PDGFD: variants seen among roughly 807,000 people sequenced by gnomAD.
PDGFD encodes the protein platelet derived growth factor D.
A neutral mutation model predicts 44.7 loss-of-function variants in PDGFD; 30 were observed. That is an observed-to-expected ratio of 0.67 (90% CI 0.50 to 0.91). The LOEUF is 0.91. PDGFD is among the 40% of genes least tolerant of loss of function. PDGFD has a pLI of 0.00. For synonymous variants in PDGFD, 173 were observed against 168.4 expected (o/e 1.03, Z -0.21); for missense variants, 445 against 457.8 (o/e 0.97, Z 0.25).
intron 1 of PDGFD, among the ~76,000 whole-genome samples, chr11:104,015,389 A>G (rs1183734658): frequency 6.6e-6 from 1 of 152,240 alleles, no homozygotes; most frequent in Non-Finnish European, 1.5e-5. Flanking sequence ...GGTGTGAACG[A>G]AGCTACATTT....
At chr11:104,065,780 T>C (rs931544619) in intron 1 of PDGFD, among the ~76,000 whole-genome samples, 4 of 152,156 alleles carry the variant, frequency 2.6e-5, no homozygotes, top group Non-Finnish European at 4.4e-5. Context: ...AACACAGTAT[T>C]TACTTCTCTG....
chr11:104,119,948 T>A (rs1861746918), intron 1 of PDGFD, among the ~76,000 whole-genome samples: 1 of 138,644 alleles, frequency 7.2e-6, no homozygotes, highest in East Asian at 2.1e-4. Context: ...ATATAATATA[T>A]AAGTTATTAT....
intron 1 of PDGFD, among the ~76,000 whole-genome samples, chr11:104,050,860 A>G (rs1237311511): frequency 6.6e-6 from 1 of 152,164 alleles, no homozygotes; most frequent in Admixed American, 6.5e-5. Context: ...TGTAATCTTA[A>G]TTGTCCATAT....
intron 1 of PDGFD, among the ~76,000 whole-genome samples, chr11:104,029,388 C>A (rs1860091811): frequency 6.6e-6 from 1 of 152,146 alleles, no homozygotes; most frequent in Admixed American, 6.5e-5. Context: ...CAATTAAATT[C>A]TATAGACAGA....
chr11:103,950,729 G>A (rs1471405204), intron 3 of PDGFD, among the ~76,000 whole-genome samples: 1 of 152,120 alleles, frequency 6.6e-6, no homozygotes, highest in East Asian at 1.9e-4. Context: ...TGTTACAGCT[G>A]CCTTGGATAA....
chr11:103,958,531 T>C (rs1306196706), intron 3 of PDGFD, among the ~76,000 whole-genome samples: 1 of 152,204 alleles, frequency 6.6e-6, no homozygotes, highest in Non-Finnish European at 1.5e-5. Context: ...TTAGGAAAAT[T>C]ACAAGTTTGA....
At chr11:104,095,115 T>C (rs1248457490) in intron 1 of PDGFD, among the ~76,000 whole-genome samples, 3 of 152,134 alleles carry the variant, frequency 2.0e-5, no homozygotes, top group African/African-American at 7.2e-5. Flanking sequence ...CAGATCTCAG[T>C]TTAAATACTA....
chr11:104,025,592 A>G (rs187764150), intron 1 of PDGFD, among the ~76,000 whole-genome samples: 6 of 152,306 alleles, frequency 3.9e-5, no homozygotes, highest in Admixed American at 1.3e-4. Flanking sequence ...TGAGACCAGA[A>G]TAAGACCCCA....
intron 1 of PDGFD, among the ~76,000 whole-genome samples, chr11:104,085,168 G>A (rs1861112046): frequency 6.6e-6 from 1 of 151,404 alleles, no homozygotes; most frequent in African/African-American, 2.4e-5. Context: ...CATCACCATT[G>A]TTACAGCACT....
In PDGFD at chr11:104,119,012, T is replaced by TATATTATATTAAC. The variant is rs1294752237; in HGVS notation, c.124+44791_124+44792insGTTAATATAATAT. Among the ~76,000 whole-genome samples the TATATTATATTAAC allele has an allele frequency of 3.8e-3, 67 of 17,530 alleles. 26 individuals are homozygous for TATATTATATTAAC. Among genetic ancestry groups the TATATTATATTAAC allele is most frequent in the East Asian group, 0.011 (4 of 376 alleles). 11.5% of individuals were successfully genotyped at this position (17,530 alleles called of 152,430 possible). On this transcript the variant is annotated intron_variant, in intron 1 of 6. Transcript: ENST00000393158. Reference sequence around the variant, plus strand: ...TTATTAATATAATAAAATAATATAATATATTATATAATATATCGATATAAT... The same window carrying TATATTATATTAAC: ...TTATTAATATAATAAAATAATATAATATATTATATTAACATATTATATAATATATCGATATAAT...
chr11:104,140,913 T>C (rs12292979), intron 1 of PDGFD, among the ~76,000 whole-genome samples: 4,287 of 152,308 alleles, frequency 0.028, 123 homozygotes, highest in African/African-American at 0.07. Context: ...ATGTAAGCTT[T>C]TGTGAGGTCT....
At chr11:104,040,718 AT>A (rs11305792) in intron 1 of PDGFD, among the ~76,000 whole-genome samples, 60,531 of 151,556 alleles carry the variant, frequency 0.4, 13,424 homozygotes, top group Admixed American at 0.55. Context: ...GTGATTTTAA[AT>A]TTTTTTTGAC....
intron 1 of PDGFD, among the ~76,000 whole-genome samples, chr11:104,003,070 G>C (rs1312156373): frequency 6.6e-6 from 1 of 152,186 alleles, no homozygotes; most frequent in Non-Finnish European, 1.5e-5. Context: ...ATTTAAAAAT[G>C]TTTAAAGAAT....
chr11:103,944,209 C>T (rs1002213409), intron 4 of PDGFD, among the ~76,000 whole-genome samples: 1 of 152,150 alleles, frequency 6.6e-6, no homozygotes, highest in East Asian at 1.9e-4. Context: ...GATAATTAGC[C>T]ATGAAATTGG....
intron 1 of PDGFD, among the ~76,000 whole-genome samples, chr11:104,073,084 G>A (rs988153303): frequency 6.6e-6 from 1 of 151,750 alleles, no homozygotes; most frequent in East Asian, 1.9e-4. Context: ...ATCATGTTTG[G>A]AGAAGCATAA....
chr11:103,945,328 C>T (rs1858653182), intron 4 of PDGFD, among the ~76,000 whole-genome samples: 1 of 152,062 alleles, frequency 6.6e-6, no homozygotes, highest in Non-Finnish European at 1.5e-5. Flanking sequence ...CGAGCTGAAC[C>T]CTGACTGACA....
Position 104,163,864 on chromosome 11 carries a change from A to G in PDGFD, c.64T>C (p.Ser22Pro). The G allele has an allele frequency of 6.3e-7, 1 of 1,580,632 alleles. No homozygotes were observed. Among genetic ancestry groups the G allele is most frequent in the Non-Finnish European group, 8.7e-7 (1 of 1,155,296 alleles). The change falls in exon 1 of 7, where the codon TCT becomes CCT. Residue 22 changes from serine to proline, a missense_variant. Physicochemically the swap from Ser to Pro is moderately conservative, Grantham distance 74. Coordinates refer to ENST00000393158, the MANE Select transcript of PDGFD (RefSeq NM_025208.5). Reference sequence around the variant, plus strand: ...ATGGATGCGCTCTGCGGGGTTGCAGAAGTGTCCCGACAGCTGCAAAAGTTT... The same window carrying G: ...ATGGATGCGCTCTGCGGGGTTGCAGGAGTGTCCCGACAGCTGCAAAAGTTT... ...CANFCSCRDT[S>P]ATPQSASIKA... is the part of the protein sequence containing the mutation.
intron 3 of PDGFD, among the ~76,000 whole-genome samples, chr11:103,993,738 T>C (rs1859493616): frequency 6.6e-6 from 1 of 151,950 alleles, no homozygotes; most frequent in Non-Finnish European, 1.5e-5. Flanking sequence ...TGATCTAGAG[T>C]CTCTACATAC....
intron 3 of PDGFD, among the ~76,000 whole-genome samples, chr11:103,967,279 T>C (rs1443493716): frequency 6.6e-6 from 1 of 152,156 alleles, no homozygotes; most frequent in East Asian, 1.9e-4. Context: ...CTAAGGACCA[T>C]GTCAACTGGG....
Sources: gnomAD v4.1 joint callset for allele counts (sites outside exome capture counted in the v4.1 genomes callset) on GRCh38, gnomAD v4.1.1 for gene constraint, MANE v1.5 for transcripts, NCBI Gene and HGNC (gene_info 2026-07-23, HGNC 2026-07-21) for gene names.